ATP9A: variants seen among roughly 807,000 people sequenced by gnomAD.
ATP9A encodes probable phospholipid-transporting ATPase IIA.
ATP9A carries 52 observed loss-of-function variants against 144.1 expected under a neutral mutation model. That is an observed-to-expected ratio of 0.36 (90% CI 0.29 to 0.45). The LOEUF (loss-of-function observed/expected upper bound fraction) is 0.45, where lower values mean the gene tolerates loss of function less well. ATP9A is among the 20% of genes least tolerant of loss of function. The probability of loss-of-function intolerance (pLI) is 1.00; values close to 1 mark genes in which losing one functional copy is unlikely to be tolerated. For missense variants in ATP9A, 947 were observed against 1,392.7 expected (o/e 0.68, Z 5.09); for synonymous variants, 582 against 557.4 (o/e 1.04, Z -0.62).
In ATP9A at chr20:51,613,925, T is replaced by A. The variant is rs1289360222; in HGVS notation, c.2416-93A>T. ...TGAAAAAGCAAGACATTGTAGGAAA[T>A]CTTTGAAGAACTTCAAGAAAGAAAT... On this transcript the variant is annotated intron_variant, in intron 22 of 27. Transcript: ENST00000338821. 7 of 1,276,578 alleles carry A rather than the reference T, an allele frequency of 5.5e-6. No homozygotes were observed. In the East Asian group the frequency reaches 1.2e-4, roughly 22 times the overall value. 79.1% of individuals were successfully genotyped at this position (1,276,578 alleles called of 1,614,324 possible).
chr20:51,698,509 C>T (rs1455400916), intron 4 of ATP9A, among the ~76,000 whole-genome samples: 1 of 152,108 alleles, frequency 6.6e-6, no homozygotes, highest in Non-Finnish European at 1.5e-5. Context: ...AACAGTGAGA[C>T]CCTGTCTCAA....
chr20:51,661,877 G>A (rs2077412319), intron 13 of ATP9A, among the ~76,000 whole-genome samples: 1 of 152,100 alleles, frequency 6.6e-6, no homozygotes, highest in South Asian at 2.1e-4. Context: ...TTTTAGAGCA[G>A]ACATCATCTG....
chr20:51,737,784 C>T (rs1286929313), intron 1 of ATP9A, among the ~76,000 whole-genome samples: 3 of 152,244 alleles, frequency 2.0e-5, no homozygotes, highest in African/African-American at 4.8e-5. Context: ...AACTTTTGAA[C>T]TTGTATGCTT....
chr20:51,676,571 T>C (rs939955835), intron 9 of ATP9A, among the ~76,000 whole-genome samples: 11 of 152,184 alleles, frequency 7.2e-5, no homozygotes, highest in Non-Finnish European at 1.6e-4. Context: ...CTCTACCTCC[T>C]GGGTTCAAGC....
At chr20:51,602,909 GGTTTGTTCACACCCCACCAAAGACCACT>G (rs1386176759) in intron 27 of ATP9A, among the ~76,000 whole-genome samples, 2 of 152,098 alleles carry the variant, frequency 1.3e-5, no homozygotes, top group African/African-American at 4.8e-5. Context: ...AAAAGGTTAG[GGTTTGTTCACACCCCACCAAAGACCACT>G]GTTTGTTCCC....
chr20:51,754,798 AGAGT>A (rs1490013371), intron 1 of ATP9A, among the ~76,000 whole-genome samples: 1 of 151,978 alleles, frequency 6.6e-6, no homozygotes, highest in Non-Finnish European at 1.5e-5. Flanking sequence ...CCTGGGCAAC[AGAGT>A]GAGACACTGT....
chr20:51,637,366 G>A (rs1047346919), intron 15 of ATP9A, among the ~76,000 whole-genome samples: 2 of 146,582 alleles, frequency 1.4e-5, no homozygotes, highest in Admixed American at 6.9e-5. Context: ...TGCTCACTTC[G>A]GCACTGACTG....
chr20:51,643,431 C>T (rs965579696), intron 14 of ATP9A, among the ~76,000 whole-genome samples: 5 of 152,150 alleles, frequency 3.3e-5, no homozygotes, highest in African/African-American at 1.2e-4. Context: ...AACCTAATCC[C>T]CAATATGATA....
chr20:51,690,235 AC>A (rs2077542075), intron 8 of ATP9A, among the ~76,000 whole-genome samples: 1 of 151,746 alleles, frequency 6.6e-6, no homozygotes, highest in Non-Finnish European at 1.5e-5. Context: ...CCTGGCTAAC[AC>A]CGTGAAAACC....
intron 13 of ATP9A, among the ~76,000 whole-genome samples, chr20:51,664,384 C>T (rs989653799): frequency 7.2e-5 from 11 of 151,996 alleles, no homozygotes; most frequent in African/African-American, 2.4e-4. Context: ...CCCAGGAGTT[C>T]GAGACCAGCC....
chr20:51,670,632 A>C (rs2077451965), intron 12 of ATP9A, among the ~76,000 whole-genome samples: 1 of 152,146 alleles, frequency 6.6e-6, no homozygotes, highest in South Asian at 2.1e-4. Flanking sequence ...ATGGACATTA[A>C]GCAGTAGAGA....
chr20:51,648,472 A>G (rs1189400752), intron 14 of ATP9A, among the ~76,000 whole-genome samples: 1 of 152,216 alleles, frequency 6.6e-6, no homozygotes, highest in Non-Finnish European at 1.5e-5. Flanking sequence ...CTAAGTGGTA[A>G]GCTTGGGAGA....
rs559908851 is a variant in ATP9A, at chr20:51,604,532, G to A, written c.3007+285C>T. ...TTTCATGGGAACAAAAAGATTTTGT[G>A]GCCCAAAAAAGGTGACAGAGCAAGA... On this transcript the variant is annotated intron_variant, in intron 27 of 27. Coordinates refer to ENST00000338821, the MANE Select transcript of ATP9A (RefSeq NM_006045.3). Among the ~76,000 whole-genome samples, 47 of 152,210 alleles carry A rather than the reference G, an allele frequency of 3.1e-4. 1 individual carries two copies. Among genetic ancestry groups the A allele is most frequent in the Admixed American group, 1.1e-3 (17 of 15,278 alleles).
At chr20:51,672,466 A>T (rs2077460150) in intron 11 of ATP9A, among the ~76,000 whole-genome samples, 1 of 152,100 alleles carries the variant, frequency 6.6e-6, no homozygotes, top group African/African-American at 2.4e-5. Context: ...CGTCACTTAG[A>T]TTGAATACTT....
chr20:51,749,346 T>A (rs1207790223), intron 1 of ATP9A, among the ~76,000 whole-genome samples: 1 of 152,028 alleles, frequency 6.6e-6, no homozygotes, highest in Non-Finnish European at 1.5e-5. Flanking sequence ...CACTGCAACC[T>A]CCGCCTCCCG....
intron 3 of ATP9A, among the ~76,000 whole-genome samples, chr20:51,714,234 G>A (rs1302923329): frequency 1.3e-5 from 2 of 152,032 alleles, no homozygotes; most frequent in Non-Finnish European, 2.9e-5. Flanking sequence ...CCAGGCAGGA[G>A]TGCAGTAGCA....
intron 19 of ATP9A, among the ~76,000 whole-genome samples, chr20:51,620,134 A>G (rs2077220562): frequency 6.6e-6 from 1 of 152,176 alleles, no homozygotes; most frequent in Non-Finnish European, 1.5e-5. Flanking sequence ...CCAGATGTTA[A>G]CTATTGTAGG....
At chr20:51,757,629 G>A (rs567130807) in intron 1 of ATP9A, among the ~76,000 whole-genome samples, 3 of 152,306 alleles carry the variant, frequency 2.0e-5, no homozygotes, top group African/African-American at 4.8e-5. Context: ...GCAGGGCCAG[G>A]CACAGTGGCT....
chr20:51,682,752 C>A (rs866069350), intron 9 of ATP9A, among the ~76,000 whole-genome samples: 1 of 149,516 alleles, frequency 6.7e-6, no homozygotes, highest in African/African-American at 2.4e-5. Flanking sequence ...CCACCACACC[C>A]GGCTAATTTT....
Sources: gnomAD v4.1 joint callset for allele counts (sites outside exome capture counted in the v4.1 genomes callset) on GRCh38, gnomAD v4.1.1 for gene constraint, MANE v1.5 for transcripts, NCBI Gene and HGNC (gene_info 2026-07-23, HGNC 2026-07-21) for gene names.